CACNA1C: variants seen among roughly 807,000 people sequenced by gnomAD.
The protein encoded by CACNA1C is voltage-dependent L-type calcium channel subunit alpha-1C.
CACNA1C carries 30 observed loss-of-function variants against 229.0 expected under a neutral mutation model. That is an observed-to-expected ratio of 0.13 (90% confidence interval 0.10 to 0.18). The LOEUF (loss-of-function observed/expected upper bound fraction) is 0.18. Ranked by LOEUF, CACNA1C falls within the 10% of genes least tolerant of loss-of-function variation. CACNA1C has a pLI of 1.00. For synonymous variants in CACNA1C, 1,114 were observed against 1,132.5 expected (o/e 0.98, Z 0.33); for missense variants, 1,658 against 2,845.0 (o/e 0.58, Z 9.49).
intron 3 of CACNA1C, among the ~76,000 whole-genome samples, chr12:2,448,063 G>C (rs2099316814): frequency 6.6e-6 from 1 of 152,256 alleles, no homozygotes; most frequent in Admixed American, 6.5e-5. Flanking sequence ...TCTGCACTTG[G>C]GATGGGGGTG....
Position 2,601,907 on chromosome 12 carries a change from C to T in CACNA1C, c.2907C>T (p.Phe969=), listed in dbSNP as rs1311812099. The T allele has an allele frequency of 1.2e-6, 2 of 1,614,014 alleles. No individual in the cohort carries two copies. Residue 969 remains phenylalanine, a synonymous_variant, in exon 22 of 47, where the codon TTC becomes TTT. Coordinates refer to ENST00000399655, the MANE Select transcript of CACNA1C (RefSeq NM_000719.7). The surrounding 1 kb of genome is among the most constrained non-coding windows in gnomAD (Gnocchi z 5.9). ...AGGGTTCTTTCTGCCGGAACTACTTCAACATCCTGGACCTGCTGGTGGTCA... is the reference window on the plus strand; with the variant it reads ...AGGGTTCTTTCTGCCGGAACTACTTTAACATCCTGGACCTGCTGGTGGTCA... The part of the protein sequence containing the change: ...LHKGSFCRNY[F]NILDLLVVSV...
intron 3 of CACNA1C, among the ~76,000 whole-genome samples, chr12:2,432,740 T>A (rs1478924448): frequency 2.6e-5 from 4 of 152,222 alleles, no homozygotes; most frequent in African/African-American, 9.6e-5. Context: ...TTTGGTTCTG[T>A]GGCCTTGAGC....
At chr12:2,333,065 C>T (rs1234015167) in intron 3 of CACNA1C, among the ~76,000 whole-genome samples, 1 of 152,150 alleles carries the variant, frequency 6.6e-6, no homozygotes, top group Non-Finnish European at 1.5e-5. Flanking sequence ...AGTCCCAGTT[C>T]TTCAGACTTC....
At chr12:2,370,917 C>T (rs1292794565) in intron 3 of CACNA1C, among the ~76,000 whole-genome samples, 6 of 152,212 alleles carry the variant, frequency 3.9e-5, no homozygotes, top group Middle Eastern at 3.4e-3. Flanking sequence ...CAGTCAGGCT[C>T]GTCTGCTCTC....
chr12:2,378,551 G>A (rs1400305755), intron 3 of CACNA1C, among the ~76,000 whole-genome samples: 3 of 152,168 alleles, frequency 2.0e-5, no homozygotes, highest in African/African-American at 4.8e-5. Context: ...TACCCTGTGC[G>A]GGCAAGAGGG....
chr12:2,571,160 G>C (rs894532899), intron 13 of CACNA1C, among the ~76,000 whole-genome samples: 14 of 152,212 alleles, frequency 9.2e-5, no homozygotes, highest in African/African-American at 3.4e-4. Context: ...GAGGCTTAGA[G>C]AGTTGTCAGT....
chr12:2,124,341 G>A (rs1393432670), intron 3 of CACNA1C, among the ~76,000 whole-genome samples: 1 of 152,096 alleles, frequency 6.6e-6, no homozygotes, highest in Non-Finnish European at 1.5e-5. Context: ...TATTTGCATT[G>A]CGTCTCTCAA....
At chr12:2,546,859 T>C (rs1280051990) in intron 9 of CACNA1C, among the ~76,000 whole-genome samples, 1 of 152,242 alleles carries the variant, frequency 6.6e-6, no homozygotes, top group Non-Finnish European at 1.5e-5. Flanking sequence ...AATTGAATTA[T>C]TGAACTGAAC....
intron 3 of CACNA1C, among the ~76,000 whole-genome samples, chr12:2,267,147 A>G (rs1309397613): frequency 6.6e-6 from 1 of 152,156 alleles, no homozygotes; most frequent in Non-Finnish European, 1.5e-5. Flanking sequence ...TCCAAAGCCC[A>G]GCATGTGCCT....
At chr12:2,207,113 G>A (rs58706338) in intron 3 of CACNA1C, among the ~76,000 whole-genome samples, 8 of 152,282 alleles carry the variant, frequency 5.3e-5, no homozygotes, top group East Asian at 1.9e-4. Context: ...GACCACATTC[G>A]AGGAGCATCT....
At position 2,651,432 on chromosome 12, in the gene CACNA1C, C is replaced by G; in HGVS notation, c.3946-208C>G. ...GGACCACAGCCCAGCGGCCTGGGCA[C>G]AGTCTAGCTCTGCAGAGACCATGGG... is the stretch of plus-strand genomic sequence containing the variant. On this transcript the variant is annotated intron_variant, in intron 31 of 46. Transcript: ENST00000399655. This position sits in a 1 kb window ranked among gnomAD's most constrained non-coding sequence, Gnocchi z 5.4. 2 of 625,916 alleles carry G rather than the reference C, an allele frequency of 3.2e-6. No individual in the cohort carries two copies. The highest frequency in any genetic ancestry group is 5.6e-6 in the Non-Finnish European group (2 of 359,590). The allele number at this position is 625,916 out of a possible 1,614,324, so 38.8% of individuals were successfully genotyped here.
At chr12:2,323,733 AGGAGATTT>A (rs2096138623) in intron 3 of CACNA1C, among the ~76,000 whole-genome samples, 2 of 152,158 alleles carry the variant, frequency 1.3e-5, no homozygotes, top group Admixed American at 1.3e-4. Context: ...GCACATGACC[AGGAGATTT>A]GGGGAAATGG....
intron 1 of CACNA1C, among the ~76,000 whole-genome samples, chr12:2,072,598 G>A (rs2154524862): frequency 6.6e-6 from 1 of 152,276 alleles, no homozygotes; most frequent in Admixed American, 6.5e-5. Context: ...TATTTACAGA[G>A]TGTTTTAAAC....
intron 3 of CACNA1C, among the ~76,000 whole-genome samples, chr12:2,327,300 C>T (rs748727466): frequency 6.6e-5 from 10 of 152,268 alleles, no homozygotes; most frequent in South Asian, 4.1e-4. Flanking sequence ...AACTGCTGTA[C>T]GTATACTTCC....
At chr12:2,588,154 G>A (rs2153260385) in intron 18 of CACNA1C, among the ~76,000 whole-genome samples, 1 of 152,276 alleles carries the variant, frequency 6.6e-6, no homozygotes, top group East Asian at 1.9e-4. Flanking sequence ...AGATCACGTG[G>A]CCTGTTGTCT....
At chr12:2,446,388 A>T (rs56296025) in intron 3 of CACNA1C, among the ~76,000 whole-genome samples, 4 of 125,776 alleles carry the variant, frequency 3.2e-5, no homozygotes, top group African/African-American at 1.3e-4. Context: ...GGATGGATGG[A>T]TGGGTGGATG....
At position 2,596,567 on chromosome 12, in the gene CACNA1C, C is replaced by A. The variant is rs114619838; in HGVS notation, c.2793+564C>A. On this transcript the variant is annotated intron_variant, in intron 20 of 46. Coordinates refer to ENST00000399655, the MANE Select transcript of CACNA1C (RefSeq NM_000719.7). The stretch of plus-strand genomic sequence containing the variant: ...TGAAGACAGCCCGCTGATCTAAAGC[C>A]ATACCCATGCCAAACCACTCTGCGC... Among the ~76,000 whole-genome samples, 874 of 152,334 alleles carry A rather than the reference C, an allele frequency of 5.7e-3. 11 individuals are homozygous for A. Among genetic ancestry groups the A allele is most frequent in the African/African-American group, 0.02 (822 of 41,570 alleles).
chr12:2,196,910 G>T (rs1314453493), intron 3 of CACNA1C, among the ~76,000 whole-genome samples: 1 of 152,224 alleles, frequency 6.6e-6, no homozygotes, highest in Non-Finnish European at 1.5e-5. Flanking sequence ...AGGGTCCAGA[G>T]TTGTTAGGAG....
At chr12:2,614,451 G>A (rs961983795) in intron 29 of CACNA1C, 13 of 152,218 alleles carry the variant, frequency 8.5e-5, no homozygotes, top group African/African-American at 2.7e-4. Context: ...TTCTTACTGA[G>A]CTATGTTCTT....
Sources: allele counts gnomAD v4.1 joint callset (sites outside exome capture counted in the v4.1 genomes callset), GRCh38; gene constraint gnomAD v4.1.1; non-coding constraint Gnocchi (gnomAD v3.1); transcripts MANE v1.5; gene names NCBI Gene and HGNC (gene_info 2026-07-23, HGNC 2026-07-21).